The following STPG2 variants were observed in gnomAD, a reference collection of about 807,000 sequenced individuals.
STPG2 encodes the protein sperm tail PG-rich repeat containing 2.
Under a neutral mutation model 54.2 loss-of-function variants are expected in STPG2, and 56 were observed. The ratio of observed to expected loss-of-function variants is 1.03; its 90% CI spans 0.83 to 1.29. STPG2 has a LOEUF of 1.29. STPG2 is among the 50% of genes most tolerant of loss of function. The pLI is 0.00. For missense variants in STPG2, 596 were observed against 544.9 expected (o/e 1.09, Z -0.93); for synonymous variants, 200 against 181.8 (o/e 1.10, Z -0.81).
chr4:97,739,705 A>T (rs1329738991), intron 9 of STPG2, among the ~76,000 whole-genome samples: 1 of 152,208 alleles, frequency 6.6e-6, no homozygotes, highest in Non-Finnish European at 1.5e-5. Flanking sequence ...CAGGCTCTGA[A>T]ATTGTGGCAA....
chr4:97,668,457 T>C (rs1722590449), intron 10 of STPG2, among the ~76,000 whole-genome samples: 1 of 152,172 alleles, frequency 6.6e-6, no homozygotes, highest in South Asian at 2.1e-4. Flanking sequence ...TAACTGTGAC[T>C]GTCAGATGGA....
chr4:97,520,126 G>A (rs1731151802), intron 4 of STPG2, among the ~76,000 whole-genome samples: 1 of 152,060 alleles, frequency 6.6e-6, no homozygotes, highest in Non-Finnish European at 1.5e-5. Context: ...GGACATTCTG[G>A]CCAAGGACAA....
chr4:97,806,053 G>C (rs528705869), intron 9 of STPG2, among the ~76,000 whole-genome samples: 1 of 152,124 alleles, frequency 6.6e-6, no homozygotes, highest in African/African-American at 2.4e-5. Flanking sequence ...ACATGCACTG[G>C]TATGTTCAAC....
chr4:97,520,435 C>G (rs6814444), intron 4 of STPG2, among the ~76,000 whole-genome samples: 1 of 151,918 alleles, frequency 6.6e-6, no homozygotes, highest in South Asian at 2.1e-4. Flanking sequence ...TACTTGTGAA[C>G]TCTGTATGAT....
At chr4:97,568,559 G>A (rs1732514861) in intron 10 of STPG2, among the ~76,000 whole-genome samples, 2 of 151,946 alleles carry the variant, frequency 1.3e-5, no homozygotes, top group South Asian at 4.1e-4. Flanking sequence ...TACTGCAGTA[G>A]CAATGAGCAC....
chr4:97,613,326 C>T (rs764551716), intron 10 of STPG2, among the ~76,000 whole-genome samples: 1 of 151,848 alleles, frequency 6.6e-6, no homozygotes, highest in Non-Finnish European at 1.5e-5. Flanking sequence ...TGTGTGATTG[C>T]GTGATTGTGT....
intron 9 of STPG2, among the ~76,000 whole-genome samples, chr4:97,757,066 T>C (rs1443275566): frequency 6.6e-6 from 1 of 152,100 alleles, no homozygotes; most frequent in Non-Finnish European, 1.5e-5. Context: ...GAACTTCCCT[T>C]CAAGCAGTAA....
intron 8 of STPG2, chr4:97,916,933 G>C (rs1282352921): frequency 6.5e-6 from 1 of 152,708 alleles, no homozygotes; most frequent in Non-Finnish European, 1.5e-5. Flanking sequence ...ATGGGCCGAT[G>C]CTCAAGAGCA....
chr4:97,800,372 C>G (rs1483640725), intron 9 of STPG2, among the ~76,000 whole-genome samples: 1 of 152,180 alleles, frequency 6.6e-6, no homozygotes, highest in Non-Finnish European at 1.5e-5. Flanking sequence ...TGTGGACATC[C>G]TTTCTGTTTG....
intron 5 of STPG2, among the ~76,000 whole-genome samples, chr4:98,084,018 T>G (rs1738432818): frequency 6.6e-6 from 1 of 152,028 alleles, no homozygotes; most frequent in South Asian, 2.1e-4. Flanking sequence ...CCCACCCAGC[T>G]GTTTTGTTGT....
At chr4:98,141,012 C>T (rs1240555328) in intron 1 of STPG2, among the ~76,000 whole-genome samples, 1 of 152,036 alleles carries the variant, frequency 6.6e-6, no homozygotes, top group Non-Finnish European at 1.5e-5. Flanking sequence ...ATTGGAAGTA[C>T]AGTACATAAA....
At chr4:97,668,319 A>C (rs757175281) in intron 10 of STPG2, among the ~76,000 whole-genome samples, 11 of 152,144 alleles carry the variant, frequency 7.2e-5, no homozygotes, top group Non-Finnish European at 1.3e-4. Context: ...AAAGATAGAC[A>C]AGTGGCCAGA....
At chr4:97,706,746 G>T (rs764656738) in intron 10 of STPG2, among the ~76,000 whole-genome samples, 1 of 152,122 alleles carries the variant, frequency 6.6e-6, no homozygotes, top group East Asian at 1.9e-4. Flanking sequence ...ACAGGATTGG[G>T]CAAAAGATTT....
chr4:97,694,282 CAAG>C (rs1254555271), intron 10 of STPG2, among the ~76,000 whole-genome samples: 8 of 151,738 alleles, frequency 5.3e-5, no homozygotes, highest in Non-Finnish European at 8.8e-5. Flanking sequence ...TGAGATTAAT[CAAG>C]AAGATAGAGG....
chr4:97,736,328 A>G (rs990271385), intron 9 of STPG2, among the ~76,000 whole-genome samples: 4 of 152,200 alleles, frequency 2.6e-5, no homozygotes, highest in Admixed American at 1.3e-4. Flanking sequence ...TACCAGGTTC[A>G]TCTCACTAGG....
intron 8 of STPG2, among the ~76,000 whole-genome samples, chr4:97,864,471 C>T (rs1455127001): frequency 6.6e-6 from 1 of 152,182 alleles, no homozygotes; most frequent in Non-Finnish European, 1.5e-5. Flanking sequence ...ACATTACATG[C>T]TCATGGATAG....
intron 8 of STPG2, among the ~76,000 whole-genome samples, chr4:97,858,103 A>G (rs1371213758): frequency 6.6e-6 from 1 of 152,194 alleles, no homozygotes; most frequent in Non-Finnish European, 1.5e-5. Context: ...GAGGAGGTAG[A>G]GTAAGAGATA....
chr4:97,766,267 A>G (rs77949192), intron 9 of STPG2, among the ~76,000 whole-genome samples: 2,800 of 152,168 alleles, frequency 0.018, 78 homozygotes, highest in African/African-American at 0.064. Flanking sequence ...GTGAATAGTA[A>G]TTGGCAAACG....
At chr4:98,132,899 T>C (rs967853362) in intron 2 of STPG2, among the ~76,000 whole-genome samples, 3 of 138,708 alleles carry the variant, frequency 2.2e-5, no homozygotes, top group African/African-American at 8.1e-5. Flanking sequence ...CGTAAAGCTG[T>C]AGAGCAAGAA....
Sources: allele counts gnomAD v4.1 joint callset (sites outside exome capture counted in the v4.1 genomes callset), GRCh38; gene constraint gnomAD v4.1.1; transcripts MANE v1.5; gene names NCBI Gene and HGNC (gene_info 2026-07-23, HGNC 2026-07-21).